The following TNIK variants were observed in gnomAD, a reference collection of about 807,000 sequenced individuals.
TNIK encodes the protein TRAF2 and NCK-interacting protein kinase.
A neutral mutation model predicts 191.3 loss-of-function variants in TNIK; 49 were observed. The observed-to-expected ratio is 0.26, with a 90% confidence interval of 0.20 to 0.32. TNIK has a LOEUF of 0.32. Ranked by LOEUF, TNIK falls within the 10% of genes least tolerant of loss-of-function variation. The probability of loss-of-function intolerance (pLI) is 1.00; values close to 1 mark genes in which losing one functional copy is unlikely to be tolerated. For synonymous variants in TNIK, 594 were observed against 600.9 expected, an observed-to-expected ratio of 0.99 and a Z score of 0.17; for missense variants, 1,155 against 1,702.3, an observed-to-expected ratio of 0.68 and a Z score of 5.66.
In TNIK at chr3:171,079,683, T is replaced by C. The variant is rs765206602; in HGVS notation, c.3314-31A>G. ...GAAATAATAGAGGTTTAATTTCAAA[T>C]TGCTGTGACAGCTCTCACTTTTTCC... On this transcript the variant is annotated intron_variant, in intron 27 of 32. Coordinates refer to ENST00000436636, the MANE Select transcript of TNIK (RefSeq NM_015028.4). The C allele has an allele frequency of 1.9e-6, 3 of 1,579,442 alleles. No individual in the cohort carries two copies. In the East Asian group the frequency reaches 6.8e-5, roughly 36 times the overall value.
chr3:171,361,015 T>C (rs1222678225), intron 2 of TNIK, among the ~76,000 whole-genome samples: 1 of 152,148 alleles, frequency 6.6e-6, no homozygotes, highest in Non-Finnish European at 1.5e-5. Context: ...AGGCTGACAC[T>C]GAATAAATAA....
At chr3:171,215,546 A>G (rs550408978) in intron 3 of TNIK, among the ~76,000 whole-genome samples, 2 of 152,286 alleles carry the variant, frequency 1.3e-5, no homozygotes, top group Admixed American at 1.3e-4. Context: ...TTAATTCTTT[A>G]CAGAAAACTA....
chr3:171,117,884 C>T (rs973374917), intron 18 of TNIK, among the ~76,000 whole-genome samples: 12 of 152,162 alleles, frequency 7.9e-5, no homozygotes, highest in Middle Eastern at 3.4e-3. Flanking sequence ...GCAGGAGAAT[C>T]GCCTGAACCT....
In TNIK at chr3:171,061,459, T is replaced by A. The variant is rs1717826190; in HGVS notation, c.*2422A>T. On this transcript the variant is annotated 3_prime_UTR_variant, in exon 33 of 33. Coordinates refer to ENST00000436636, the MANE Select transcript of TNIK (RefSeq NM_015028.4). ...ATTGTTTTCTTATGATTTGTTTCAA[T>A]GACTCTAGATTTTAAAAAATACATT... The A allele has an allele frequency of 6.6e-6, 1 of 152,258 alleles. No homozygotes were observed. The highest frequency in any genetic ancestry group is 2.1e-4 in the South Asian group (1 of 4,832). The allele number at this position is 152,258 out of a possible 1,614,324, so 9.4% of individuals were successfully genotyped here.
chr3:171,408,542 T>A (rs1721997435), intron 1 of TNIK, among the ~76,000 whole-genome samples: 1 of 152,186 alleles, frequency 6.6e-6, no homozygotes, highest in Non-Finnish European at 1.5e-5. Flanking sequence ...AGCAGGCCGA[T>A]CTGGATCCAA....
intron 2 of TNIK, among the ~76,000 whole-genome samples, chr3:171,313,662 G>A (rs1203254707): frequency 6.6e-6 from 1 of 152,032 alleles, no homozygotes; most frequent in African/African-American, 2.4e-5. Flanking sequence ...CCATGTTGAG[G>A]TGGGAGAAAA....
intron 1 of TNIK, among the ~76,000 whole-genome samples, chr3:171,404,045 A>C (rs1320886630): frequency 6.6e-6 from 1 of 152,254 alleles, no homozygotes; most frequent in East Asian, 1.9e-4. Flanking sequence ...AAGCATCTTC[A>C]ATTTATCAAA....
At chr3:171,321,377 T>A (rs1176890328) in intron 2 of TNIK, among the ~76,000 whole-genome samples, 1 of 152,174 alleles carries the variant, frequency 6.6e-6, no homozygotes, top group African/African-American at 2.4e-5. Flanking sequence ...ACCAAAATTG[T>A]CTAAATGTTT....
At chr3:171,231,866 C>T (rs1420582068) in intron 2 of TNIK, among the ~76,000 whole-genome samples, 2 of 152,144 alleles carry the variant, frequency 1.3e-5, no homozygotes, top group Admixed American at 1.3e-4. Context: ...AACTTCACAG[C>T]TAAACTTAGG....
chr3:171,412,798 G>A (rs1722573618), intron 1 of TNIK, among the ~76,000 whole-genome samples: 1 of 152,182 alleles, frequency 6.6e-6, no homozygotes, highest in Non-Finnish European at 1.5e-5. Context: ...GCAAAATAGG[G>A]ATAATACCAT....
chr3:171,075,504 G>A (rs1719779455), intron 28 of TNIK, among the ~76,000 whole-genome samples: 1 of 152,122 alleles, frequency 6.6e-6, no homozygotes, highest in African/African-American at 2.4e-5. Context: ...ATGTACAGTG[G>A]AGCAAATAGC....
intron 12 of TNIK, among the ~76,000 whole-genome samples, chr3:171,156,225 G>C (rs774997695): frequency 1.3e-5 from 2 of 152,290 alleles, no homozygotes; most frequent in African/African-American, 4.8e-5. Context: ...TAACCATTGG[G>C]TATTATTGTT....
At chr3:171,387,689 C>T (rs1259843635) in intron 1 of TNIK, among the ~76,000 whole-genome samples, 4 of 152,108 alleles carry the variant, frequency 2.6e-5, no homozygotes, top group Non-Finnish European at 5.9e-5. Flanking sequence ...GAAAAATCTG[C>T]GTCATTACAG....
At chr3:171,216,142 G>A (rs1209540369) in intron 3 of TNIK, among the ~76,000 whole-genome samples, 1 of 152,146 alleles carries the variant, frequency 6.6e-6, no homozygotes, top group Non-Finnish European at 1.5e-5. Flanking sequence ...ATCATTAAAG[G>A]ATCACAGGCT....
intron 18 of TNIK, among the ~76,000 whole-genome samples, chr3:171,117,885 G>A (rs1160609477): frequency 6.6e-5 from 10 of 152,072 alleles, no homozygotes; most frequent in Admixed American, 2.6e-4. Flanking sequence ...CAGGAGAATC[G>A]CCTGAACCTG....
chr3:171,189,067 A>C (rs1208511010), intron 6 of TNIK, among the ~76,000 whole-genome samples: 1 of 152,140 alleles, frequency 6.6e-6, no homozygotes, highest in Non-Finnish European at 1.5e-5. Flanking sequence ...GTACCTATTA[A>C]ACAATAGCTC....
chr3:171,266,519 T>C (rs1340695454), intron 2 of TNIK, among the ~76,000 whole-genome samples: 2 of 152,184 alleles, frequency 1.3e-5, no homozygotes, highest in Non-Finnish European at 2.9e-5. Context: ...AGAGAATGAC[T>C]GGGCTCCTCT....
chr3:171,120,916 C>A (rs943875117), intron 18 of TNIK, among the ~76,000 whole-genome samples: 1 of 152,134 alleles, frequency 6.6e-6, no homozygotes, highest in Admixed American at 6.5e-5. Context: ...TATTACGACC[C>A]CTGCGCCCTG....
At chr3:171,166,433 G>T (rs1734629196) in intron 10 of TNIK, among the ~76,000 whole-genome samples, 1 of 152,198 alleles carries the variant, frequency 6.6e-6, no homozygotes, top group Non-Finnish European at 1.5e-5. Flanking sequence ...GTAGGGTGCA[G>T]CCTGAGACTC....
Sources: allele counts gnomAD v4.1 joint callset (sites outside exome capture counted in the v4.1 genomes callset), GRCh38; gene constraint gnomAD v4.1.1; transcripts MANE v1.5; gene names NCBI Gene and HGNC (gene_info 2026-07-23, HGNC 2026-07-21).